KLHL32: variants seen among roughly 807,000 people sequenced by gnomAD.
The protein encoded by KLHL32 is kelch-like protein 32.
Under a neutral mutation model 64.8 loss-of-function variants are expected in KLHL32, and 35 were observed. The observed-to-expected ratio is 0.54, with a 90% CI of 0.41 to 0.72. The LOEUF (loss-of-function observed/expected upper bound fraction) is 0.72. KLHL32 is among the 30% of genes least tolerant of loss of function. The pLI, the probability that KLHL32 is intolerant of heterozygous loss-of-function variation, is 0.00. For synonymous variants in KLHL32, 259 were observed against 281.0 expected (o/e 0.92, Z 0.78); for missense variants, 589 against 768.5 (o/e 0.77, Z 2.76).
chr6:96,963,001 A>C (rs2128027983), intron 1 of KLHL32, among the ~76,000 whole-genome samples: 1 of 152,268 alleles, frequency 6.6e-6, no homozygotes, highest in East Asian at 1.9e-4. Context: ...GAACTTTTAC[A>C]CTGTTAAATG....
At chr6:96,908,977 G>A in the KLHL32 span, among the ~76,000 whole-genome samples, 4 of 152,174 alleles carry the variant, frequency 2.6e-5, no homozygotes, top group Non-Finnish European at 5.9e-5. Context: ...CAGCAAAAAA[G>A]AGGGTCCGTT....
intron 5 of KLHL32, among the ~76,000 whole-genome samples, chr6:97,067,116 C>G (rs896066089): frequency 6.6e-6 from 1 of 152,170 alleles, no homozygotes; most frequent in African/African-American, 2.4e-5. Flanking sequence ...ATACCATTGC[C>G]CTCCAGTGCT....
At position 97,025,658 on chromosome 6, in the gene KLHL32, G is replaced by C. The variant is rs1026208486; in HGVS notation, c.205-15834G>C. Among the ~76,000 whole-genome samples the C allele has an allele frequency of 1.3e-5, 2 of 152,150 alleles. 1 individual carries two copies. Among genetic ancestry groups the C allele is most frequent in the South Asian group, 4.1e-4 (2 of 4,826 alleles). On this transcript the variant is annotated intron_variant, in intron 3 of 10. Coordinates refer to ENST00000369261, the MANE Select transcript of KLHL32 (RefSeq NM_052904.4). ...GGCCTACCAGTTTCCCAGTTTATCT[G>C]GCAGTCTTTCCAACTTGAGAGGGAG... is the stretch of plus-strand genomic sequence containing the variant.
chr6:96,962,373 A>G (rs368030339), intron 1 of KLHL32, among the ~76,000 whole-genome samples: 1 of 152,172 alleles, frequency 6.6e-6, no homozygotes, highest in African/African-American at 2.4e-5. Flanking sequence ...AATAATTTCA[A>G]TTATGTGAAA....
At chr6:97,059,791 G>A (rs936757701) in intron 4 of KLHL32, among the ~76,000 whole-genome samples, 8 of 152,178 alleles carry the variant, frequency 5.3e-5, no homozygotes, top group African/African-American at 1.7e-4. Context: ...AACATTTTAT[G>A]TGTGTTGAAT....
chr6:96,939,122 G>A lies in KLHL32; in HGVS notation c.-66+14096G>A, dbSNP rs116830072. ...CACACCTTATTGGCTTGCATGGCCC[G>A]CCTCTCCCCTCTTCCTGCCATTCTG... On this transcript the variant is annotated intron_variant, in intron 1 of 10. Transcript: ENST00000369261. Among the ~76,000 whole-genome samples the A allele has an allele frequency of 8.0e-3, 1,215 of 152,268 alleles. 20 individuals carry two copies. Among genetic ancestry groups the A allele is most frequent in the African/African-American group, 0.027 (1,140 of 41,546 alleles).
At chr6:97,135,197 T>C (rs1188728412) in intron 10 of KLHL32, among the ~76,000 whole-genome samples, 1 of 152,186 alleles carries the variant, frequency 6.6e-6, no homozygotes, top group Non-Finnish European at 1.5e-5. Context: ...TATTTCTGTG[T>C]TCCAGTAGCC....
chr6:97,115,674 A>G (rs2128211956), intron 7 of KLHL32, among the ~76,000 whole-genome samples: 2 of 152,294 alleles, frequency 1.3e-5, no homozygotes, highest in South Asian at 4.1e-4. Context: ...CTTAGTTTTG[A>G]GAAAGGCCCT....
chr6:96,997,870 G>A (rs1240248531), intron 3 of KLHL32, among the ~76,000 whole-genome samples: 2 of 152,124 alleles, frequency 1.3e-5, no homozygotes, highest in Non-Finnish European at 2.9e-5. Context: ...CAGCTTGAAG[G>A]TAACAGTACT....
chr6:96,954,278 A>C lies in KLHL32; in HGVS notation c.-65-12718A>C, dbSNP rs573226258. The stretch of plus-strand genomic sequence containing the variant: ...AATTTGTTTGGATATGGAAGACTAC[A>C]GTGGAAAAAATTGTTTTAGTTTTCT... On this transcript the variant is annotated intron_variant, in intron 1 of 10. Coordinates refer to ENST00000369261, the MANE Select transcript of KLHL32 (RefSeq NM_052904.4). 2.0e-5 allele frequency among the ~76,000 whole-genome samples: 3 copies of C among 150,386 alleles called. No homozygotes were observed. The East Asian group carries it at 5.9e-4, about 29-fold the overall frequency.
At chr6:97,123,288 GGT>G (rs1248337644) in intron 7 of KLHL32, among the ~76,000 whole-genome samples, 1 of 152,124 alleles carries the variant, frequency 6.6e-6, no homozygotes, top group Non-Finnish European at 1.5e-5. Flanking sequence ...CAGAGACAAA[GGT>G]TGCTTGTTTG....
chr6:97,117,397 CTA>C (rs1562357007), intron 7 of KLHL32, among the ~76,000 whole-genome samples: 4 of 152,274 alleles, frequency 2.6e-5, no homozygotes, highest in African/African-American at 9.6e-5. Context: ...GTTCTGTTCT[CTA>C]GAACACAGAA....
chr6:97,050,635 C>G (rs1195221848), intron 4 of KLHL32, among the ~76,000 whole-genome samples: 2 of 152,160 alleles, frequency 1.3e-5, no homozygotes, highest in Non-Finnish European at 2.9e-5. Flanking sequence ...ATCTAGCATT[C>G]TACTTGAGTA....
chr6:97,135,299 ATTTTTTTTT>A (rs747635380), intron 10 of KLHL32, among the ~76,000 whole-genome samples: 3 of 109,570 alleles, frequency 2.7e-5, no homozygotes, highest in South Asian at 3.2e-4. Flanking sequence ...AAATTTGTTA[ATTTTTTTTT>A]TTTTTTTTTT....
At chr6:97,137,509 T>C (rs1800158616) in intron 10 of KLHL32, among the ~76,000 whole-genome samples, 1 of 152,124 alleles carries the variant, frequency 6.6e-6, no homozygotes, top group African/African-American at 2.4e-5. Flanking sequence ...GCCCATTTCC[T>C]GTAAAATAAT....
Position 97,139,482 on chromosome 6 carries a change from T to C in KLHL32, c.*200T>C. Reference sequence around the variant, plus strand: ...TCTCAGTGTATGTCAACATTCAATATGTATGACTTTTATTGTGGTATAGCT... The same window carrying C: ...TCTCAGTGTATGTCAACATTCAATACGTATGACTTTTATTGTGGTATAGCT... On this transcript the variant is annotated 3_prime_UTR_variant, in exon 11 of 11. Coordinates refer to ENST00000369261, the MANE Select transcript of KLHL32 (RefSeq NM_052904.4). The C allele has an allele frequency of 1.8e-6, 1 of 548,480 alleles. No individual in the cohort carries two copies. Among genetic ancestry groups the C allele is most frequent in the East Asian group, 3.1e-5 (1 of 32,262 alleles). The allele number at this position is 548,480 out of a possible 1,614,324, so 34.0% of individuals were successfully genotyped here. A position where few individuals can be genotyped will look rare whatever the true frequency, so the allele number is the denominator to read the frequency against.
At chr6:96,949,581 C>G (rs915501072) in intron 1 of KLHL32, among the ~76,000 whole-genome samples, 3 of 152,092 alleles carry the variant, frequency 2.0e-5, no homozygotes, top group Non-Finnish European at 4.4e-5. Context: ...TTGACTGACT[C>G]ACAGTGGTGA....
chr6:97,059,837 C>T (rs1414487885), intron 4 of KLHL32, among the ~76,000 whole-genome samples: 1 of 152,022 alleles, frequency 6.6e-6, no homozygotes, highest in African/African-American at 2.4e-5. Flanking sequence ...GCTGTTGTAT[C>T]CAGTTCATTT....
chr6:97,055,435 C>T (rs1387961374), intron 4 of KLHL32, among the ~76,000 whole-genome samples: 1 of 152,160 alleles, frequency 6.6e-6, no homozygotes, highest in Non-Finnish European at 1.5e-5. Flanking sequence ...CAATATCACT[C>T]CTGTTATCCT....
Sources: allele counts gnomAD v4.1 joint callset (sites outside exome capture counted in the v4.1 genomes callset), GRCh38; gene constraint gnomAD v4.1.1; transcripts MANE v1.5; gene names NCBI Gene and HGNC (gene_info 2026-07-23, HGNC 2026-07-21).